RAPGEF2: variants seen among roughly 807,000 people sequenced by gnomAD.
RAPGEF2 encodes the protein Rap guanine nucleotide exchange factor 2, also known as PDZ domain containing guanine nucleotide exchange factor (GEF) 1.
A neutral mutation model predicts 186.7 loss-of-function variants in RAPGEF2; 54 were observed. That is an observed-to-expected ratio of 0.29 (90% CI 0.23 to 0.36). The LOEUF (loss-of-function observed/expected upper bound fraction) is 0.36. RAPGEF2 is among the 10% of genes least tolerant of loss of function. The probability of loss-of-function intolerance (pLI) is 1.00; values close to 1 mark genes in which losing one functional copy is unlikely to be tolerated. For synonymous variants in RAPGEF2, 712 were observed against 705.9 expected (o/e 1.01, Z -0.14); for missense variants, 1,532 against 2,045.0 (o/e 0.75, Z 4.84).
intron 7 of RAPGEF2, among the ~76,000 whole-genome samples, chr4:159,264,814 A>G (rs974192411): frequency 6.6e-6 from 1 of 152,020 alleles, no homozygotes; most frequent in Admixed American, 6.6e-5. Flanking sequence ...GAATTTGACT[A>G]TTTGACTACT....
At chr4:159,209,437 A>G (rs1436062209) in intron 3 of RAPGEF2, among the ~76,000 whole-genome samples, 1 of 151,974 alleles carries the variant, frequency 6.6e-6, no homozygotes, top group Admixed American at 6.6e-5. Context: ...TTGCACTCAC[A>G]CTCCTGATCC....
chr4:159,353,901 A>G lies in RAPGEF2; in HGVS notation c.4506A>G (p.Thr1502=). ...GYWGEDSEGD[T]GTIKRRGGKD... is the part of the protein sequence containing the mutation. ...GGGGAGAAGACTCAGAAGGTGACAC[A>G]GGCACAATAAAGCGGAGGGGTGGAA... Residue 1502 remains threonine, a synonymous_variant, in exon 28 of 30, where the codon ACA becomes ACG. Transcript: ENST00000691494. The surrounding 1 kb of genome is among the most constrained non-coding windows in gnomAD (Gnocchi z 4.3). 6.2e-7 allele frequency: 1 copy of G among 1,614,250 alleles called. No homozygotes were observed. Among genetic ancestry groups the G allele is most frequent in the Non-Finnish European group, 8.5e-7 (1 of 1,180,032 alleles).
At chr4:159,354,702 T>A (rs1005337600) in intron 28 of RAPGEF2, among the ~76,000 whole-genome samples, 1 of 152,318 alleles carries the variant, frequency 6.6e-6, no homozygotes, top group East Asian at 1.9e-4. Flanking sequence ...GCTTCATAAT[T>A]TCTACTTAAT....
chr4:159,357,991 G>T, intron 29 of RAPGEF2, 123 bp from the exon 30 acceptor site: 1 of 947,328 alleles, frequency 1.1e-6, no homozygotes. Context: ...GATTCTAAGT[G>T]AGCTATACTA....
At chr4:159,328,926 TATC>T (rs932891667) in intron 11 of RAPGEF2, 3 of 152,176 alleles carry the variant, frequency 2.0e-5, no homozygotes, top group Non-Finnish European at 4.4e-5. Context: ...AATAATGTAT[TATC>T]AGAGCTCTAA....
chr4:159,126,531 T>A (rs7682071), intron 1 of RAPGEF2, among the ~76,000 whole-genome samples: 2,467 of 142,346 alleles, frequency 0.017, 61 homozygotes, highest in South Asian at 0.048. Flanking sequence ...GTCCAGGTTT[T>A]AAAAAAAAAA....
At chr4:159,269,635 T>C (rs1757862337) in intron 7 of RAPGEF2, among the ~76,000 whole-genome samples, 3 of 152,184 alleles carry the variant, frequency 2.0e-5, no homozygotes, top group African/African-American at 7.2e-5. Context: ...TTACTTACCT[T>C]TTTCATATGT....
intron 4 of RAPGEF2, among the ~76,000 whole-genome samples, chr4:159,214,408 T>C (rs1164261054): frequency 6.6e-6 from 1 of 152,354 alleles, no homozygotes; most frequent in East Asian, 1.9e-4. Context: ...ATGAAGATTA[T>C]CTTATGAGGT....
At chr4:159,303,982 C>A (rs1455741546) in intron 7 of RAPGEF2, among the ~76,000 whole-genome samples, 1 of 151,976 alleles carries the variant, frequency 6.6e-6, no homozygotes, top group Non-Finnish European at 1.5e-5. Context: ...TGCTTTTTGC[C>A]ACAAAGTTAC....
At chr4:159,262,953 G>A (rs1757040685) in intron 7 of RAPGEF2, among the ~76,000 whole-genome samples, 1 of 152,040 alleles carries the variant, frequency 6.6e-6, no homozygotes, top group Admixed American at 6.6e-5. Flanking sequence ...TCTAAAGACT[G>A]TATTTAGATT....
chr4:159,231,141 A>G (rs1442557153), intron 4 of RAPGEF2, among the ~76,000 whole-genome samples: 2 of 152,134 alleles, frequency 1.3e-5, no homozygotes, highest in East Asian at 1.9e-4. Context: ...CCATTGTGTT[A>G]TAATTGCCTA....
chr4:159,203,058 C>G (rs527629841), intron 3 of RAPGEF2, among the ~76,000 whole-genome samples: 1 of 152,192 alleles, frequency 6.6e-6, no homozygotes, highest in African/African-American at 2.4e-5. Context: ...GTTTTTTGTT[C>G]TTTCAGTTCC....
At chr4:159,326,690 T>C (rs1765971198) in intron 11 of RAPGEF2, 1 of 152,250 alleles carries the variant, frequency 6.6e-6, no homozygotes, top group Non-Finnish European at 1.5e-5. Flanking sequence ...GAGCTTGATA[T>C]ACACACCCTA....
chr4:159,317,564 T>A (rs1028755588), intron 9 of RAPGEF2, among the ~76,000 whole-genome samples: 1 of 152,224 alleles, frequency 6.6e-6, no homozygotes, highest in Non-Finnish European at 1.5e-5. Context: ...CTGTTTCTGA[T>A]ATCGCGTGTT....
chr4:159,354,243 A>G (rs1475555536), intron 28 of RAPGEF2, among the ~76,000 whole-genome samples, 197 bp downstream of exon 28: 1 of 152,200 alleles, frequency 6.6e-6, no homozygotes, highest in Non-Finnish European at 1.5e-5. Flanking sequence ...TCAGGTACCT[A>G]CAGATCTGTT....
chr4:159,178,551 C>CTTTTTTTTTT lies in RAPGEF2; in HGVS notation c.70-8076_70-8067dup, dbSNP rs71589215. 1.9e-4 allele frequency among the ~76,000 whole-genome samples: 14 copies of CTTTTTTTTTT among 75,468 alleles called. 1 individual carries two copies. Among genetic ancestry groups the CTTTTTTTTTT allele is most frequent in the East Asian group, 3.9e-4 (1 of 2,546 alleles). 49.5% of individuals were successfully genotyped at this position (75,468 alleles called of 152,430 possible). A position where few individuals can be genotyped will look rare whatever the true frequency, so the allele number is the denominator to read the frequency against. On this transcript the variant is annotated intron_variant, in intron 1 of 29. Transcript: ENST00000691494. ...TTCTTTCCCATTAGCATGTATTATG[C>CTTTTTTTTTT]TTTTTTTTTTTTTTTTTTTTTTTTG...
intron 7 of RAPGEF2, among the ~76,000 whole-genome samples, chr4:159,252,727 C>T (rs144827731): frequency 6.6e-6 from 1 of 152,216 alleles, no homozygotes; most frequent in Admixed American, 6.5e-5. Flanking sequence ...TAACTGCATT[C>T]TTTCACATCA....
At chr4:159,344,364 A>C (rs1466242874) in intron 23 of RAPGEF2, among the ~76,000 whole-genome samples, 2 of 152,170 alleles carry the variant, frequency 1.3e-5, no homozygotes, top group African/African-American at 4.8e-5. Context: ...GAAATGCAGA[A>C]AGCTCAAAGT....
intron 1 of RAPGEF2, among the ~76,000 whole-genome samples, chr4:159,172,424 A>G (rs1217029371): frequency 6.6e-6 from 1 of 152,134 alleles, no homozygotes; most frequent in Non-Finnish European, 1.5e-5. Flanking sequence ...GCTGCTCTGC[A>G]GTAATTGACT....
Sources: allele counts gnomAD v4.1 joint callset (sites outside exome capture counted in the v4.1 genomes callset), GRCh38; gene constraint gnomAD v4.1.1; non-coding constraint Gnocchi (gnomAD v3.1); transcripts MANE v1.5; gene names NCBI Gene and HGNC (gene_info 2026-07-23, HGNC 2026-07-21).